Variants in BCL7C observed in about 807,000 individuals in gnomAD.
BCL7C encodes the protein B-cell CLL/lymphoma 7 protein family member C.
A neutral mutation model predicts 26.2 loss-of-function variants in BCL7C; 8 were observed. That is an observed-to-expected ratio of 0.30 (90% CI 0.18 to 0.55). BCL7C has a LOEUF of 0.55. Among genes scored for constraint, BCL7C ranks in the 20% least tolerant of loss-of-function variants. BCL7C has a pLI of 0.93. For synonymous variants in BCL7C, 90 were observed against 116.5 expected, an observed-to-expected ratio of 0.77 and a Z score of 1.47; for missense variants, 262 against 298.5, an observed-to-expected ratio of 0.88 and a Z score of 0.90.
chr16:30,884,361 A>G (rs989791606), downstream of BCL7C, among the ~76,000 whole-genome samples: 1 of 152,072 alleles, frequency 6.6e-6, no homozygotes, highest in African/African-American at 2.4e-5. Context: ...ATGGGGCAAT[A>G]GGACAAAACC....
At chr16:30,864,161 CTG>C (rs2054801737) in intron 5 of BCL7C, among the ~76,000 whole-genome samples, 5 of 152,176 alleles carry the variant, frequency 3.3e-5, no homozygotes, top group Middle Eastern at 3.4e-3. Context: ...AAGGAGGACT[CTG>C]TATATTTTTA....
At chr16:30,862,352 C>T (rs367689544) in intron 5 of BCL7C, among the ~76,000 whole-genome samples, 1 of 152,332 alleles carries the variant, frequency 6.6e-6, no homozygotes, top group South Asian at 2.1e-4. Flanking sequence ...CCTCTCTTCG[C>T]TTTCACTTGG....
intron 5 of BCL7C, among the ~76,000 whole-genome samples, chr16:30,850,595 T>C (rs981518227): frequency 6.6e-6 from 1 of 152,120 alleles, no homozygotes; most frequent in East Asian, 1.9e-4. Flanking sequence ...CTGTAGGTGA[T>C]ATATATATAA....
intron 5 of BCL7C, among the ~76,000 whole-genome samples, chr16:30,856,396 A>G: frequency 6.8e-6 from 1 of 147,874 alleles, no homozygotes; most frequent in Non-Finnish European, 1.5e-5. Context: ...AGTCAAGATC[A>G]CACCACTCTA....
chr16:30,892,794 C>T (rs777444773), intron 3 of BCL7C, 46 bp downstream of exon 3: 3 of 1,614,026 alleles, frequency 1.9e-6, no homozygotes, highest in Admixed American at 3.3e-5. Context: ...CCCTAGTACA[C>T]TCCTTCAGTC....
At chr16:30,837,213 T>C (rs1268450174) in intron 5 of BCL7C, among the ~76,000 whole-genome samples, 1 of 152,200 alleles carries the variant, frequency 6.6e-6, no homozygotes, top group Non-Finnish European at 1.5e-5. Flanking sequence ...GTGTTTACCA[T>C]TAAAATAACC....
chr16:30,870,665 C>T (rs922964949), intron 5 of BCL7C, among the ~76,000 whole-genome samples: 1 of 151,578 alleles, frequency 6.6e-6, no homozygotes, highest in African/African-American at 2.4e-5. Context: ...TGTCCCCCCA[C>T]CAAAAAATAA....
chr16:30,881,112 G>C (rs956460784), intron 5 of BCL7C, among the ~76,000 whole-genome samples: 3 of 152,016 alleles, frequency 2.0e-5, no homozygotes, highest in African/African-American at 7.2e-5. Flanking sequence ...CAATGTGCCT[G>C]CAGGCCGGGT....
intron 4 of BCL7C, among the ~76,000 whole-genome samples, chr16:30,889,416 G>T (rs1262696105): frequency 6.6e-6 from 1 of 152,126 alleles, no homozygotes; most frequent in African/African-American, 2.4e-5. Context: ...ATTAGCAAAG[G>T]TATACAACTG....
chr16:30,864,715 C>T (rs923040948), intron 5 of BCL7C, among the ~76,000 whole-genome samples: 6 of 152,160 alleles, frequency 3.9e-5, no homozygotes, highest in East Asian at 1.9e-4. Flanking sequence ...GTGACCTGCA[C>T]GTATACATCC....
At chr16:30,857,160 G>A (rs536108001) in intron 5 of BCL7C, among the ~76,000 whole-genome samples, 121 of 151,900 alleles carry the variant, frequency 8.0e-4, no homozygotes, top group African/African-American at 2.5e-3. Flanking sequence ...AGGCCGAGGC[G>A]GGCAGATCAC....
At chr16:30,855,079 T>G (rs1192985833) in intron 5 of BCL7C, among the ~76,000 whole-genome samples, 1 of 152,098 alleles carries the variant, frequency 6.6e-6, no homozygotes, top group Non-Finnish European at 1.5e-5. Flanking sequence ...TTCAGCATAA[T>G]AGTTGGGTCC....
intron 5 of BCL7C, among the ~76,000 whole-genome samples, chr16:30,841,789 A>G (rs796426824): frequency 8.6e-5 from 13 of 151,918 alleles, no homozygotes; most frequent in African/African-American, 3.1e-4. Context: ...CCCCATCTCT[A>G]CTAAAGATAC....
intron 5 of BCL7C, among the ~76,000 whole-genome samples, chr16:30,864,468 C>T (rs1211428730): frequency 6.6e-6 from 1 of 152,154 alleles, no homozygotes; most frequent in African/African-American, 2.4e-5. Flanking sequence ...AACAACCCCA[C>T]AATATCACCC....
chr16:30,877,144 G>C (rs1337932429), intron 5 of BCL7C, among the ~76,000 whole-genome samples: 2 of 152,108 alleles, frequency 1.3e-5, no homozygotes, highest in African/African-American at 4.8e-5. Flanking sequence ...CAGAGACTCC[G>C]CCCCCAGGGC....
chr16:30,848,415 T>C (rs1039366637), intron 5 of BCL7C, among the ~76,000 whole-genome samples: 1 of 152,136 alleles, frequency 6.6e-6, no homozygotes, highest in Non-Finnish European at 1.5e-5. Flanking sequence ...CCCTGACAAG[T>C]TAGATACATC....
At chr16:30,849,835 G>T (rs1049095784) in intron 5 of BCL7C, among the ~76,000 whole-genome samples, 3 of 151,038 alleles carry the variant, frequency 2.0e-5, no homozygotes, top group Non-Finnish European at 2.9e-5. Flanking sequence ...GCTCACTGCA[G>T]CCTCCACCAT....
At chr16:30,838,142 C>T (rs1422298824) in intron 5 of BCL7C, among the ~76,000 whole-genome samples, 2 of 152,224 alleles carry the variant, frequency 1.3e-5, no homozygotes, top group African/African-American at 4.8e-5. Flanking sequence ...TGGTTAGGAG[C>T]ATGGGCTTTG....
At chr16:30,836,334 G>A (rs926013204) in intron 5 of BCL7C, among the ~76,000 whole-genome samples, 3 of 152,172 alleles carry the variant, frequency 2.0e-5, no homozygotes, top group African/African-American at 7.2e-5. Flanking sequence ...CCAGCATGAT[G>A]GCATGTGCCT....
Sources: allele counts gnomAD v4.1 joint callset (sites outside exome capture counted in the v4.1 genomes callset), GRCh38; gene constraint gnomAD v4.1.1; transcripts MANE v1.5; gene names NCBI Gene and HGNC (gene_info 2026-07-23, HGNC 2026-07-21).